The following TMEM182 variants were observed in gnomAD, a reference collection of about 807,000 sequenced individuals.
The protein encoded by TMEM182 is transmembrane protein 182.
Under a neutral mutation model 26.8 loss-of-function variants are expected in TMEM182, and 20 were observed. That is an observed-to-expected ratio of 0.75 (90% CI 0.53 to 1.09). The LOEUF (loss-of-function observed/expected upper bound fraction) is 1.09. Among genes scored for constraint, TMEM182 ranks in the 50% least tolerant of loss-of-function variants. The probability of loss-of-function intolerance (pLI) is 0.00; values close to 1 mark genes in which losing one functional copy is unlikely to be tolerated. For synonymous variants in TMEM182, 109 were observed against 102.2 expected (o/e 1.07, Z -0.40); for missense variants, 277 against 275.5 (o/e 1.01, Z -0.04).
chr2:102,806,898 A>T (rs990732020), intron 4 of TMEM182, among the ~76,000 whole-genome samples: 8 of 152,336 alleles, frequency 5.3e-5, no homozygotes, highest in African/African-American at 1.9e-4. Context: ...GAACCAGGGC[A>T]GTCAGAATCC....
chr2:102,772,310 T>C (rs1460547227), intron 3 of TMEM182, among the ~76,000 whole-genome samples: 2 of 152,216 alleles, frequency 1.3e-5, no homozygotes, highest in African/African-American at 4.8e-5. Context: ...CCCTAAATTC[T>C]TGCCCTCGTG....
At chr2:102,770,291 T>A (rs1476666322) in intron 3 of TMEM182, among the ~76,000 whole-genome samples, 1 of 152,130 alleles carries the variant, frequency 6.6e-6, no homozygotes, top group Non-Finnish European at 1.5e-5. Flanking sequence ...CATAAGCCAA[T>A]GATGCAAAAG....
chr2:102,785,219 G>A (rs535562933), intron 3 of TMEM182, among the ~76,000 whole-genome samples: 3 of 151,980 alleles, frequency 2.0e-5, no homozygotes, highest in Non-Finnish European at 1.5e-5. Context: ...GCTCCTCCAA[G>A]CACCACTCCC....
At chr2:102,833,228 T>C (rs1025076059) in intron 3 of TMEM182, among the ~76,000 whole-genome samples, 2 of 152,136 alleles carry the variant, frequency 1.3e-5, no homozygotes, top group African/African-American at 4.8e-5. Context: ...TTCTCAGTTA[T>C]TTGTTCATAG....
chr2:102,740,691 G>C (rs984206536), intron 1 of TMEM182, among the ~76,000 whole-genome samples: 3 of 152,094 alleles, frequency 2.0e-5, no homozygotes, highest in Admixed American at 6.6e-5. Context: ...CCTACCCTGT[G>C]ACCCAACTAT....
chr2:102,782,299 C>A, intron 3 of TMEM182, among the ~76,000 whole-genome samples: 1 of 105,184 alleles, frequency 9.5e-6, no homozygotes, highest in Non-Finnish European at 1.9e-5. Flanking sequence ...GCACTCCAGC[C>A]TGGGTGACAA....
intron 3 of TMEM182, among the ~76,000 whole-genome samples, chr2:102,837,786 C>T (rs1034555252): frequency 1.3e-4 from 20 of 152,176 alleles, no homozygotes; most frequent in African/African-American, 4.1e-4. Flanking sequence ...GACCCAACCA[C>T]GCAGGCTGGT....
chr2:102,742,640 A>G (rs996616825), intron 1 of TMEM182, among the ~76,000 whole-genome samples: 3 of 152,210 alleles, frequency 2.0e-5, no homozygotes, highest in Admixed American at 1.3e-4. Flanking sequence ...CAAAACACAG[A>G]AAACTGAAAA....
intron 3 of TMEM182, among the ~76,000 whole-genome samples, chr2:102,788,746 C>G (rs1047072636): frequency 2.6e-5 from 4 of 152,128 alleles, no homozygotes; most frequent in South Asian, 2.1e-4. Flanking sequence ...AATCCCTCCC[C>G]CTTCTGCCCA....
At chr2:102,786,210 G>GTTTT (rs772846502) in intron 3 of TMEM182, among the ~76,000 whole-genome samples, 1,622 of 91,800 alleles carry the variant, frequency 0.018, 123 homozygotes, top group African/African-American at 0.051. Flanking sequence ...TCAGCAATCT[G>GTTTT]TTTTTTTTTT....
intron 3 of TMEM182, among the ~76,000 whole-genome samples, chr2:102,832,643 C>T (rs1206996628): frequency 6.6e-6 from 1 of 152,182 alleles, no homozygotes; most frequent in African/African-American, 2.4e-5. Context: ...TGCAGGGAGA[C>T]AACTCTTGCA....
chr2:102,769,122 A>G (rs1247878272), intron 3 of TMEM182, among the ~76,000 whole-genome samples: 1 of 152,108 alleles, frequency 6.6e-6, no homozygotes, highest in Non-Finnish European at 1.5e-5. Flanking sequence ...GTTTCTGCCA[A>G]TGTTTTATTC....
chr2:102,810,084 A>G (rs544173045), intron 4 of TMEM182, among the ~76,000 whole-genome samples: 1 of 152,330 alleles, frequency 6.6e-6, no homozygotes, highest in South Asian at 2.1e-4. Flanking sequence ...TAAGAAGTGA[A>G]AGATCAAGTC....
In TMEM182 at chr2:102,746,051, C is replaced by G. The variant is rs368020886; in HGVS notation, c.-83+9038C>G. Among the ~76,000 whole-genome samples, 7 of 152,338 alleles carry G rather than the reference C, an allele frequency of 4.6e-5. No homozygotes were observed. In the South Asian group the frequency reaches 1.4e-3, roughly 32 times the overall value. ...TAGTGACTACACCAATTTACACTCT[C>G]ACCAGCAGTGTATGAGAGTTCTAAT... On this transcript the variant is annotated intron_variant, in intron 1 of 5. Coordinates refer to the TMEM182 transcript ENST00000409173.
chr2:102,749,522 ACT>A (rs1240197377), intron 1 of TMEM182, among the ~76,000 whole-genome samples: 2 of 152,142 alleles, frequency 1.3e-5, no homozygotes, highest in Non-Finnish European at 2.9e-5. Context: ...TGGCCACGAA[ACT>A]CTGTAAATAT....
rs181572420 is a variant in TMEM182, at chr2:102,824,187, C to G, written c.326-19225C>G. 1.2e-4 allele frequency among the ~76,000 whole-genome samples: 18 copies of G among 152,290 alleles called. No individual in the cohort carries two copies. In the East Asian group the frequency reaches 3.3e-3, roughly 28 times the overall value. On this transcript the variant is annotated intron_variant, in intron 3 of 3. Coordinates refer to the TMEM182 transcript ENST00000486293. ...CACTGTCTATGCCTGGCTCAGTTGACTACATCACAGTAAATGACTATATCT... is the reference window on the plus strand; with the variant it reads ...CACTGTCTATGCCTGGCTCAGTTGAGTACATCACAGTAAATGACTATATCT...
At chr2:102,823,758 A>G (rs1260012104) in intron 3 of TMEM182, among the ~76,000 whole-genome samples, 1 of 152,240 alleles carries the variant, frequency 6.6e-6, no homozygotes, top group Non-Finnish European at 1.5e-5. Flanking sequence ...GGCCTTAGAA[A>G]GAAAGTGAAG....
chr2:102,773,188 G>A (rs566730557), intron 3 of TMEM182, among the ~76,000 whole-genome samples: 1 of 152,054 alleles, frequency 6.6e-6, no homozygotes, highest in East Asian at 1.9e-4. Context: ...TTAGGTTCTG[G>A]GGAACAGTAG....
chr2:102,811,391 G>A (rs1682551621), intron 4 of TMEM182, among the ~76,000 whole-genome samples: 2 of 152,124 alleles, frequency 1.3e-5, no homozygotes, highest in Non-Finnish European at 2.9e-5. Flanking sequence ...AATATTTGCT[G>A]GGTTTCTGTA....
Sources: allele counts gnomAD v4.1 joint callset (sites outside exome capture counted in the v4.1 genomes callset), GRCh38; gene constraint gnomAD v4.1.1; transcripts MANE v1.5; gene names NCBI Gene and HGNC (gene_info 2026-07-23, HGNC 2026-07-21).